The following RAB12 variants were observed in gnomAD, a reference collection of about 807,000 sequenced individuals.
The protein encoded by RAB12 is RAB12, member RAS oncogene family, also known as ras-related protein Rab-12.
RAB12 carries 11 observed loss-of-function variants against 28.4 expected under a neutral mutation model. The observed-to-expected ratio is 0.39, with a 90% CI of 0.24 to 0.64. RAB12 has a LOEUF of 0.64. Among genes scored for constraint, RAB12 ranks in the 30% least tolerant of loss-of-function variants. The pLI is 0.50. For synonymous variants in RAB12, 138 were observed against 145.3 expected (o/e 0.95, Z 0.36); for missense variants, 276 against 351.1 (o/e 0.79, Z 1.71).
chr18:8,638,087 G>A (rs2096019971), intron 5 of RAB12, 62 bp from the exon 6 acceptor site: 1 of 1,048,356 alleles, frequency 9.5e-7, no homozygotes, highest in Admixed American at 1.8e-5. Context: ...ATGTTCAAGG[G>A]TCAGCTGTAT....
rs1239143580 is a variant in RAB12, at chr18:8,614,551, A to G, written c.514+4598A>G. Among the ~76,000 whole-genome samples, 3 of 151,218 alleles carry G rather than the reference A, an allele frequency of 2.0e-5. No homozygotes were observed. In the East Asian group the frequency reaches 5.8e-4, roughly 29 times the overall value. On this transcript the variant is annotated intron_variant, in intron 1 of 5. Coordinates refer to ENST00000649141, the MANE Select transcript of RAB12 (RefSeq NM_001025300.3). ...AAAAGACTTAAAAAAATTAGGAAAG[A>G]TAAGATACCACAGTTTAAAAGTTTT... is the stretch of plus-strand genomic sequence containing the variant.
intron 2 of RAB12, among the ~76,000 whole-genome samples, chr18:8,630,218 G>A (rs1009495011): frequency 1.3e-5 from 2 of 152,190 alleles, no homozygotes; most frequent in Admixed American, 1.3e-4. Flanking sequence ...ATTTTAAGGA[G>A]ACATAATACA....
At chr18:8,634,843 G>A (rs985149753) in intron 3 of RAB12, among the ~76,000 whole-genome samples, 1 of 152,156 alleles carries the variant, frequency 6.6e-6, no homozygotes, top group Admixed American at 6.5e-5. Flanking sequence ...TTTTTAGAAC[G>A]ACAAGTTAGT....
chr18:8,613,077 G>T (rs2148705656), intron 1 of RAB12, among the ~76,000 whole-genome samples: 1 of 152,292 alleles, frequency 6.6e-6, no homozygotes, highest in Middle Eastern at 3.4e-3. Flanking sequence ...GCAAAATGTT[G>T]TTTTTTGTAT....
Position 8,638,349 on chromosome 18 carries a change from C to T in RAB12, c.*87C>T. On this transcript the variant is annotated 3_prime_UTR_variant, in exon 6 of 6. Coordinates refer to ENST00000649141, the MANE Select transcript of RAB12 (RefSeq NM_001025300.3). ...GCACTACAATCATTTTGACAATTTC[C>T]TTTCGCACTTTGTAATCCAAGTCAG... is the stretch of plus-strand genomic sequence containing the variant. The T allele has an allele frequency of 1.1e-6, 1 of 890,822 alleles. No individual in the cohort carries two copies. Among genetic ancestry groups the T allele is most frequent in the South Asian group, 1.5e-5 (1 of 68,786 alleles). 55.2% of individuals were successfully genotyped at this position (890,822 alleles called of 1,614,324 possible).
chr18:8,635,722 T>G (rs2096018525), intron 4 of RAB12, 100 bp downstream of exon 4: 1 of 733,088 alleles, frequency 1.4e-6, no homozygotes, highest in African/African-American at 1.8e-5. Context: ...ACAAAGAAAT[T>G]ATCAATACAG....
Position 8,623,529 on chromosome 18 carries a change from G to A in RAB12, c.515-1409G>A, listed in dbSNP as rs1017685531. 6.6e-5 allele frequency among the ~76,000 whole-genome samples: 10 copies of A among 152,204 alleles called. No individual in the cohort carries two copies. In the South Asian group the frequency reaches 1.0e-3, roughly 16 times the overall value. ...TTTAAACCAGATAGCAAATATCTGC[G>A]CTATTTTGTGCGTCTTGTGTAGTGT... On this transcript the variant is annotated intron_variant, in intron 1 of 5. Coordinates refer to ENST00000649141, the MANE Select transcript of RAB12 (RefSeq NM_001025300.3).
intron 1 of RAB12, among the ~76,000 whole-genome samples, chr18:8,612,036 C>T (rs1017681041): frequency 6.6e-6 from 1 of 152,180 alleles, no homozygotes; most frequent in Admixed American, 6.5e-5. Context: ...AGTTGCTTTT[C>T]CCCTCCACTC....
At chr18:8,610,756 C>T (rs747169991) in intron 1 of RAB12, among the ~76,000 whole-genome samples, 25 of 152,152 alleles carry the variant, frequency 1.6e-4, no homozygotes, top group Non-Finnish European at 1.5e-4. Flanking sequence ...TGGAAAACCC[C>T]TTAAAAGATG....
intron 2 of RAB12, among the ~76,000 whole-genome samples, chr18:8,626,859 A>G (rs754563842): frequency 6.6e-6 from 1 of 152,208 alleles, no homozygotes; most frequent in Non-Finnish European, 1.5e-5. Flanking sequence ...CTAAGGGAGG[A>G]AGAATGAAAT....
chr18:8,609,810 A>T lies in RAB12; in HGVS notation c.371A>T (p.Gln124Leu). 2 of 1,474,366 alleles carry T rather than the reference A, an allele frequency of 1.4e-6. No individual in the cohort carries two copies. The highest frequency in any genetic ancestry group is 1.8e-6 in the Non-Finnish European group (2 of 1,113,786). The allele number at this position is 1,474,366 out of a possible 1,614,324, so 91.3% of individuals were successfully genotyped here. Residue 124 changes from glutamine (Q) to leucine (L), a missense_variant, in exon 1 of 6, where the codon CAG (glutamine) becomes CTG (leucine). By Grantham distance (113) the Gln-to-Leu change is moderately radical (BLOSUM62 -2). Around this residue, in one of 4 missense-constraint regions of RAB12, gnomAD observed 76 missense variants for 117.9 expected, o/e 0.64. Coordinates refer to ENST00000649141, the MANE Select transcript of RAB12 (RefSeq NM_001025300.3). ...GAGSPALSGG[Q>L]GRRRKQPPRP... ...GGCTCCCCGGCGCTGTCGGGCGGCC[A>T]GGGCCGCCGGAGGAAGCAGCCCCCC...
chr18:8,618,813 C>A (rs1351131266), intron 1 of RAB12, among the ~76,000 whole-genome samples: 2 of 152,218 alleles, frequency 1.3e-5, no homozygotes, highest in Non-Finnish European at 2.9e-5. Flanking sequence ...TGCTCAGCCA[C>A]ATTCTCTTTT....
intron 1 of RAB12, among the ~76,000 whole-genome samples, chr18:8,619,321 TAAAG>T (rs555431374): frequency 1.7e-4 from 26 of 152,356 alleles, no homozygotes; most frequent in African/African-American, 6.3e-4. Flanking sequence ...GAAAGGAGTG[TAAAG>T]AAAGAAGTTT....
intron 1 of RAB12, among the ~76,000 whole-genome samples, chr18:8,620,139 CTTTTTTTTTTTT>C (rs71165795): frequency 5.0e-4 from 27 of 53,954 alleles, no homozygotes; most frequent in African/African-American, 2.1e-3. Flanking sequence ...TTTTCTTCTT[CTTTTTTTTTTTT>C]TTTTTTTTTG....
chr18:8,617,287 A>C (rs2096007229), intron 1 of RAB12, among the ~76,000 whole-genome samples: 1 of 152,184 alleles, frequency 6.6e-6, no homozygotes, highest in African/African-American at 2.4e-5. Flanking sequence ...AATGATACAC[A>C]CTGATATATA....
intron 2 of RAB12, among the ~76,000 whole-genome samples, chr18:8,625,640 G>T (rs996352351): frequency 1.3e-5 from 2 of 152,208 alleles, no homozygotes; most frequent in African/African-American, 4.8e-5. Flanking sequence ...CCTGTTAACA[G>T]CCCGCAGGTG....
chr18:8,612,100 G>A (rs1311098321), intron 1 of RAB12, among the ~76,000 whole-genome samples: 2 of 152,192 alleles, frequency 1.3e-5, no homozygotes, highest in Non-Finnish European at 2.9e-5. Flanking sequence ...CTACCCAGTG[G>A]GGATTCAGTG....
At position 8,620,585 on chromosome 18, in the gene RAB12, G is replaced by A. The variant is rs533532744; in HGVS notation, c.515-4353G>A. 3.5e-3 allele frequency among the ~76,000 whole-genome samples: 523 copies of A among 151,446 alleles called. 2 individuals are homozygous for A. Among genetic ancestry groups the A allele is most frequent in the African/African-American group, 0.012 (510 of 41,236 alleles). On this transcript the variant is annotated intron_variant, in intron 1 of 5. Coordinates refer to ENST00000649141, the MANE Select transcript of RAB12 (RefSeq NM_001025300.3). ...TTTTTTTTTTTAACTAATCAGTCCT[G>A]AATTTCCCTATTTTTTCCCAAAAAT...
At chr18:8,632,282 CAAAA>C (rs397859076) in intron 2 of RAB12, among the ~76,000 whole-genome samples, 3 of 58,824 alleles carry the variant, frequency 5.1e-5, no homozygotes, top group Non-Finnish European at 3.8e-5. Flanking sequence ...ACTCTGTCTC[CAAAA>C]AAAAAAAAAA....
Sources: gnomAD v4.1 joint callset for allele counts (sites outside exome capture counted in the v4.1 genomes callset) on GRCh38, gnomAD v4.1.1 for gene constraint, gnomAD v4.1.1 regional missense constraint, MANE v1.5 for transcripts, NCBI Gene and HGNC (gene_info 2026-07-23, HGNC 2026-07-21) for gene names.